The following MAPKAP1 variants were observed in gnomAD, a reference collection of about 807,000 sequenced individuals.
MAPKAP1 encodes target of rapamycin complex 2 subunit MAPKAP1.
In MAPKAP1, 20 loss-of-function variants were observed where a neutral mutation model predicts 65.7. The observed-to-expected ratio is 0.30, with a 90% CI of 0.21 to 0.44. The LOEUF is 0.44. MAPKAP1 is among the 20% of genes least tolerant of loss of function. The pLI is 1.00. For missense variants in MAPKAP1, 423 were observed against 648.0 expected, an observed-to-expected ratio of 0.65 and a Z score of 3.77; for synonymous variants, 222 against 244.3, an observed-to-expected ratio of 0.91 and a Z score of 0.85.
intron 1 of MAPKAP1, among the ~76,000 whole-genome samples, chr9:125,678,203 C>A (rs935676930): frequency 2.6e-5 from 4 of 152,096 alleles, no homozygotes; most frequent in African/African-American, 9.7e-5. Flanking sequence ...CAGGCGTGAA[C>A]CACTATGCCA....
At chr9:125,581,694 T>C (rs1831631673) in intron 5 of MAPKAP1, among the ~76,000 whole-genome samples, 1 of 152,226 alleles carries the variant, frequency 6.6e-6, no homozygotes, top group African/African-American at 2.4e-5. Context: ...TAATGAAGTC[T>C]AACTTGCTCT....
At chr9:125,605,422 G>A (rs1226946098) in intron 4 of MAPKAP1, among the ~76,000 whole-genome samples, 1 of 152,108 alleles carries the variant, frequency 6.6e-6, no homozygotes, top group Non-Finnish European at 1.5e-5. Flanking sequence ...TAACCACATG[G>A]CAAACTAACA....
intron 8 of MAPKAP1, among the ~76,000 whole-genome samples, chr9:125,493,357 C>A (rs1854807436): frequency 6.6e-6 from 1 of 152,182 alleles, no homozygotes; most frequent in Non-Finnish European, 1.5e-5. Flanking sequence ...TGGAACCTCC[C>A]CTGTCTCTCT....
At chr9:125,522,975 T>A (rs1410637495) in intron 7 of MAPKAP1, among the ~76,000 whole-genome samples, 1 of 152,162 alleles carries the variant, frequency 6.6e-6, no homozygotes, top group Admixed American at 6.5e-5. Context: ...CTAAGTCTTA[T>A]CTTCTCTCCT....
chr9:125,654,621 GT>G (rs1833981363), intron 4 of MAPKAP1, among the ~76,000 whole-genome samples: 1 of 152,100 alleles, frequency 6.6e-6, no homozygotes, highest in Non-Finnish European at 1.5e-5. Context: ...GCCAACCACT[GT>G]TTTAAAAAGC....
At chr9:125,470,788 T>C (rs1046603480) in intron 9 of MAPKAP1, among the ~76,000 whole-genome samples, 1 of 152,218 alleles carries the variant, frequency 6.6e-6, no homozygotes, top group African/African-American at 2.4e-5. Context: ...GGATATCATT[T>C]AGACGGTGTG....
chr9:125,488,565 C>T (rs759509805), intron 8 of MAPKAP1, among the ~76,000 whole-genome samples: 8 of 152,160 alleles, frequency 5.3e-5, no homozygotes. Context: ...AGGCTGGTCT[C>T]GAACTCCTGA....
At chr9:125,662,682 T>TA (rs1005926359) in intron 3 of MAPKAP1, among the ~76,000 whole-genome samples, 4 of 151,720 alleles carry the variant, frequency 2.6e-5, no homozygotes, top group Admixed American at 1.3e-4. Flanking sequence ...GACTCCGTCT[T>TA]AAAAAAAATA....
At chr9:125,700,520 C>T (rs1324527397) in intron 1 of MAPKAP1, among the ~76,000 whole-genome samples, 2 of 152,076 alleles carry the variant, frequency 1.3e-5, no homozygotes, top group Non-Finnish European at 2.9e-5. Flanking sequence ...TATTCTAATA[C>T]CTTCTTGTTC....
intron 1 of MAPKAP1, among the ~76,000 whole-genome samples, chr9:125,703,780 A>C (rs1399264469): frequency 3.4e-5 from 5 of 148,944 alleles, no homozygotes; most frequent in Admixed American, 6.8e-5. Flanking sequence ...AAAAAAAAAA[A>C]AAAAAACAAG....
intron 7 of MAPKAP1, among the ~76,000 whole-genome samples, chr9:125,513,526 G>C (rs1417342141): frequency 6.6e-6 from 1 of 152,198 alleles, no homozygotes; most frequent in African/African-American, 2.4e-5. Flanking sequence ...ATGAGAGGGA[G>C]TAACGCTGCC....
In MAPKAP1 at chr9:125,614,031, C is replaced by G. The variant is rs567108299; in HGVS notation, c.499-28304G>C. On this transcript the variant is annotated intron_variant, in intron 4 of 11. Transcript: ENST00000265960. The stretch of plus-strand genomic sequence containing the variant: ...GCCAGGATGGTCTTGATCTCCTGAC[C>G]TCGTGATCCACCCGCCTCGGCCTCC... 2.5e-3 allele frequency among the ~76,000 whole-genome samples: 380 copies of G among 152,198 alleles called. 6 individuals carry two copies. The highest frequency in any genetic ancestry group is 4.4e-3 in the Non-Finnish European group (298 of 68,024).
chr9:125,521,911 T>C, intron 7 of MAPKAP1: 3 of 721,700 alleles, frequency 4.2e-6, no homozygotes, highest in Non-Finnish European at 7.0e-6. Context: ...TCTGTTATGA[T>C]ATATTGGAAT....
At chr9:125,529,938 G>A (rs1829887157) in intron 7 of MAPKAP1, among the ~76,000 whole-genome samples, 1 of 152,190 alleles carries the variant, frequency 6.6e-6, no homozygotes, top group Non-Finnish European at 1.5e-5. Context: ...TGCACTTAAA[G>A]CTGTTGCAGA....
chr9:125,442,128 CAAAAAAAAAAA>C, intron 11 of MAPKAP1, among the ~76,000 whole-genome samples: 1 of 38,756 alleles, frequency 2.6e-5, no homozygotes, highest in Non-Finnish European at 4.8e-5. Flanking sequence ...GACTCTGTCT[CAAAAAAAAAAA>C]AAAAAAAAAA....
At position 125,703,131 on chromosome 9, in the gene MAPKAP1, G is replaced by C. The variant is rs375918962; in HGVS notation, c.-70+3840C>G. 4.0e-4 allele frequency among the ~76,000 whole-genome samples: 61 copies of C among 152,280 alleles called. 1 individual carries two copies. Among genetic ancestry groups the C allele is most frequent in the African/African-American group, 1.3e-3 (56 of 41,554 alleles). ...GGCCCACTTCCTCACATGGCAACAA[G>C]CAAGTGGAGCTGAGCAGCAACTGCT... is the stretch of plus-strand genomic sequence containing the variant. On this transcript the variant is annotated intron_variant, in intron 1 of 11. Transcript: ENST00000265960.
At chr9:125,502,205 G>A (rs935321805) in intron 8 of MAPKAP1, among the ~76,000 whole-genome samples, 5 of 151,446 alleles carry the variant, frequency 3.3e-5, no homozygotes, top group East Asian at 3.9e-4. Flanking sequence ...AGGTTCAAGC[G>A]ATCCCCCTGC....
rs891428794 is a variant in MAPKAP1 at position 125,571,689 on chromosome 9, T to A, written c.672-11880A>T. On this transcript the variant is annotated intron_variant, in intron 5 of 11. Coordinates refer to ENST00000265960, the MANE Select transcript of MAPKAP1 (RefSeq NM_001006617.3). ...ATGGCCAACGCATGGTGAAACCCCA[T>A]CTTTACTAAAAAAAAATACAAAAAT... Among the ~76,000 whole-genome samples the A allele has an allele frequency of 6.2e-5, 4 of 64,118 alleles. No individual in the cohort carries two copies. The Admixed American group carries it at 6.4e-4, about 10-fold the overall frequency. 42.1% of individuals were successfully genotyped at this position (64,118 alleles called of 152,430 possible).
chr9:125,657,238 A>C (rs1190553346), intron 4 of MAPKAP1, among the ~76,000 whole-genome samples: 1 of 152,148 alleles, frequency 6.6e-6, no homozygotes, highest in East Asian at 1.9e-4. Context: ...TTAGGAGATA[A>C]AACGGATTAA....
Sources: gnomAD v4.1 joint callset for allele counts (sites outside exome capture counted in the v4.1 genomes callset) on GRCh38, gnomAD v4.1.1 for gene constraint, MANE v1.5 for transcripts, NCBI Gene and HGNC (gene_info 2026-07-23, HGNC 2026-07-21) for gene names.